The following CFAP20DC variants were observed in gnomAD, a reference collection of about 807,000 sequenced individuals.
CFAP20DC encodes CFAP20 domain containing.
CFAP20DC carries 84 observed loss-of-function variants against 101.7 expected under a neutral mutation model. The ratio of observed to expected loss-of-function variants is 0.83; its 90% CI spans 0.69 to 0.99. The LOEUF is 0.99. Ranked by LOEUF, CFAP20DC falls within the 50% of genes least tolerant of loss-of-function variation. The pLI is 0.00. For synonymous variants in CFAP20DC, 359 were observed against 351.2 expected, an observed-to-expected ratio of 1.02 and a Z score of -0.25; for missense variants, 1,007 against 970.3, an observed-to-expected ratio of 1.04 and a Z score of -0.50.
intron 4 of CFAP20DC, among the ~76,000 whole-genome samples, chr3:59,026,209 G>C (rs55775778): frequency 0.069 from 10,486 of 152,054 alleles, 523 homozygotes; most frequent in Non-Finnish European, 0.094. Flanking sequence ...AGAAAAAATA[G>C]AAATTGAAAT....
chr3:58,845,533 C>T (rs1379332025), intron 13 of CFAP20DC, among the ~76,000 whole-genome samples: 3 of 151,274 alleles, frequency 2.0e-5, no homozygotes, highest in Non-Finnish European at 4.4e-5. Context: ...AGCTTACCAA[C>T]CAAAAAGAGT....
chr3:58,946,067 T>C (rs547508566), intron 4 of CFAP20DC, among the ~76,000 whole-genome samples: 1 of 151,992 alleles, frequency 6.6e-6, no homozygotes, highest in East Asian at 1.9e-4. Flanking sequence ...GTTCAGGTCA[T>C]TTGTTGCTTG....
chr3:58,850,127 G>A (rs562291406), intron 12 of CFAP20DC, among the ~76,000 whole-genome samples: 1 of 152,084 alleles, frequency 6.6e-6, no homozygotes, highest in African/African-American at 2.4e-5. Flanking sequence ...TCTGATAAAG[G>A]CAGAATTACA....
chr3:58,983,251 T>G (rs924346120), intron 4 of CFAP20DC, among the ~76,000 whole-genome samples: 3 of 152,208 alleles, frequency 2.0e-5, no homozygotes, highest in African/African-American at 7.2e-5. Context: ...TGGGCCAGTC[T>G]GGTACATCTA....
chr3:58,885,125 G>A (rs2081516855), intron 6 of CFAP20DC, among the ~76,000 whole-genome samples: 1 of 151,998 alleles, frequency 6.6e-6, no homozygotes, highest in Admixed American at 6.6e-5. Flanking sequence ...AGCACCCACA[G>A]CCATTATATG....
In CFAP20DC at chr3:58,721,319, C is replaced by T. The variant is rs1384277951; in HGVS notation, c.198-3691G>A. Among the ~76,000 whole-genome samples the T allele has an allele frequency of 6.6e-6, 1 of 152,088 alleles. No homozygotes were observed. The highest frequency in any genetic ancestry group is 2.4e-5 in the African/African-American group (1 of 41,398). On this transcript the variant is annotated intron_variant, in intron 3 of 3. Coordinates refer to the CFAP20DC transcript ENST00000486145. The surrounding 1 kb of genome is among the most constrained non-coding windows in gnomAD (Gnocchi z 5.2). ...GTGCATGTGTTGGGGCAGGGGTTAT[C>T]AATGGTCACCAAAATCAGAGTTAAT...
In CFAP20DC at chr3:58,861,930, G is replaced by A. The variant is rs573296604; in HGVS notation, c.1593+1628C>T. 4.5e-5 allele frequency: 44 copies of A among 985,178 alleles called. No homozygotes were observed. In the East Asian group the frequency reaches 6.8e-4, roughly 15 times the overall value. The allele number at this position is 985,178 out of a possible 1,614,324, so 61.0% of individuals were successfully genotyped here. ...ACAAATACACATCTGCATAATAAAC[G>A]TTGAAGGATGTCAGAGGCAGAGTAG... is the stretch of plus-strand genomic sequence containing the variant. On this transcript the variant is annotated intron_variant, in intron 12 of 16. Coordinates refer to ENST00000482387, the MANE Select transcript of CFAP20DC (RefSeq NM_001394063.1). This position sits in a 1 kb window ranked among gnomAD's most constrained non-coding sequence, Gnocchi z 4.0.
chr3:58,947,031 C>G (rs929724039), intron 4 of CFAP20DC, among the ~76,000 whole-genome samples: 1 of 152,180 alleles, frequency 6.6e-6, no homozygotes, highest in Non-Finnish European at 1.5e-5. Flanking sequence ...TAGTACGTAG[C>G]AGAGCCAGGA....
At chr3:58,903,155 G>C (rs930146107) in intron 6 of CFAP20DC, among the ~76,000 whole-genome samples, 4 of 152,026 alleles carry the variant, frequency 2.6e-5, no homozygotes, top group African/African-American at 9.7e-5. Context: ...TTTACATTTT[G>C]ATGAAGTACA....
chr3:58,753,965 T>C (rs1282460442), intron 15 of CFAP20DC, 102 bp from the exon 16 acceptor site: 5 of 696,460 alleles, frequency 7.2e-6, no homozygotes, highest in East Asian at 2.8e-5. Flanking sequence ...AAAGAAACAC[T>C]TTTTTTCCTC....
intron 14 of CFAP20DC, among the ~76,000 whole-genome samples, chr3:58,816,407 A>G (rs576383200): frequency 3.3e-5 from 5 of 152,304 alleles, no homozygotes; most frequent in South Asian, 2.1e-4. Context: ...GGAGTGCCAG[A>G]CAGTGGGCAC....
At chr3:58,919,569 T>C (rs2085116129) in intron 5 of CFAP20DC, among the ~76,000 whole-genome samples, 1 of 152,234 alleles carries the variant, frequency 6.6e-6, no homozygotes, top group Admixed American at 6.5e-5. Context: ...TGGAATTAGA[T>C]TGAATCTACG....
chr3:58,958,665 A>T (rs1379010288), intron 4 of CFAP20DC, among the ~76,000 whole-genome samples: 1 of 152,172 alleles, frequency 6.6e-6, no homozygotes, highest in African/African-American at 2.4e-5. Context: ...GGTGTGAGGT[A>T]TTATCTCATT....
rs191370795 is a variant in CFAP20DC, at chr3:58,977,821, C to A, written c.279-40059G>T. 3.9e-5 allele frequency among the ~76,000 whole-genome samples: 6 copies of A among 152,080 alleles called. No homozygotes were observed. In the East Asian group the frequency reaches 9.7e-4, roughly 24 times the overall value. ...CTCAGCTCCCCTTGGCAAGCAGGAG[C>A]AGCCTCACACCTTCCGTGTTTGTCT... is the stretch of plus-strand genomic sequence containing the variant. On this transcript the variant is annotated intron_variant, in intron 4 of 16. Coordinates refer to ENST00000482387, the MANE Select transcript of CFAP20DC (RefSeq NM_001394063.1).
At chr3:58,945,437 C>G (rs1487239238) in intron 4 of CFAP20DC, among the ~76,000 whole-genome samples, 1 of 152,146 alleles carries the variant, frequency 6.6e-6, no homozygotes, top group Non-Finnish European at 1.5e-5. Flanking sequence ...TTTCCATCCA[C>G]AAATCCTTCC....
chr3:58,716,745 G>T (rs2067404898), downstream of CFAP20DC, among the ~76,000 whole-genome samples: 1 of 152,224 alleles, frequency 6.6e-6, no homozygotes, highest in African/African-American at 2.4e-5. Context: ...TATGGCTCAG[G>T]TGGCAGAGAA....
Position 58,869,551 on chromosome 3 carries a change from G to A in CFAP20DC, c.853-61C>T, listed in dbSNP as rs1046592116. 1 of 1,302,176 alleles carries A rather than the reference G, an allele frequency of 7.7e-7. No homozygotes were observed. The highest frequency in any genetic ancestry group is 2.5e-5 in the East Asian group (1 of 39,832). The allele number at this position is 1,302,176 out of a possible 1,614,324, so 80.7% of individuals were successfully genotyped here. A position where few individuals can be genotyped will look rare whatever the true frequency, so the allele number is the denominator to read the frequency against. Reference sequence around the variant, plus strand: ...GCAACTACATTTGTTTTCTGTAGAAGCTATATAGAAAACATAATATTTGGA... The same window carrying A: ...GCAACTACATTTGTTTTCTGTAGAAACTATATAGAAAACATAATATTTGGA... On this transcript the variant is annotated intron_variant, in intron 8 of 16. Coordinates refer to ENST00000482387, the MANE Select transcript of CFAP20DC (RefSeq NM_001394063.1). This position sits in a 1 kb window ranked among gnomAD's most constrained non-coding sequence, Gnocchi z 4.3.
chr3:58,816,534 G>A (rs1449076743), intron 14 of CFAP20DC, among the ~76,000 whole-genome samples: 2 of 152,160 alleles, frequency 1.3e-5, no homozygotes, highest in South Asian at 2.1e-4. Flanking sequence ...GGTGACGGAC[G>A]CATCTGGAAA....
intron 5 of CFAP20DC, among the ~76,000 whole-genome samples, chr3:58,936,747 G>T (rs2087702929): frequency 6.6e-6 from 1 of 152,108 alleles, no homozygotes; most frequent in African/African-American, 2.4e-5. Flanking sequence ...ACACAGGAAG[G>T]GGAACATCAC....
Sources: gnomAD v4.1 joint callset for allele counts (sites outside exome capture counted in the v4.1 genomes callset) on GRCh38, gnomAD v4.1.1 for gene constraint, Gnocchi (gnomAD v3.1) non-coding constraint, MANE v1.5 for transcripts, NCBI Gene and HGNC (gene_info 2026-07-23, HGNC 2026-07-21) for gene names.